ZNF624: variants seen among roughly 807,000 people sequenced by gnomAD.
ZNF624 encodes zinc finger protein 624.
In ZNF624, 43 loss-of-function variants were observed where a neutral mutation model predicts 74.7. The ratio of observed to expected loss-of-function variants is 0.58; its 90% CI spans 0.45 to 0.74. The LOEUF (loss-of-function observed/expected upper bound fraction) is 0.74, where lower values mean the gene tolerates loss of function less well. Ranked by LOEUF, ZNF624 falls within the 30% of genes least tolerant of loss-of-function variation. The probability of loss-of-function intolerance (pLI) is 0.00; values close to 1 mark genes in which losing one functional copy is unlikely to be tolerated. For synonymous variants in ZNF624, 331 were observed against 341.3 expected, an observed-to-expected ratio of 0.97 and a Z score of 0.33; for missense variants, 820 against 1,030.0, an observed-to-expected ratio of 0.80 and a Z score of 2.79.
Position 16,645,846 on chromosome 17 carries a change from G to A in ZNF624, c.153+1483C>T, listed in dbSNP as rs1358438359. Among the ~76,000 whole-genome samples, 3 of 150,386 alleles carry A rather than the reference G, an allele frequency of 2.0e-5. No individual in the cohort carries two copies. In the East Asian group the frequency reaches 5.9e-4, roughly 29 times the overall value. On this transcript the variant is annotated intron_variant, in intron 3 of 5. Coordinates refer to ENST00000311331, the MANE Select transcript of ZNF624 (RefSeq NM_020787.4). ...AGGTCCCTGTAATCCCGGCTACTCG[G>A]GAGGCTGAGGCAGGAGAATCGCTTG... is the stretch of plus-strand genomic sequence containing the variant.
chr17:16,617,658 C>A (rs530394035), downstream of ZNF624: 2 of 1,605,522 alleles, frequency 1.2e-6, no homozygotes, highest in South Asian at 2.2e-5. Context: ...GTCGCGATTG[C>A]GACGCGGGCC....
chr17:16,645,450 T>C (rs1909565398), intron 3 of ZNF624, among the ~76,000 whole-genome samples: 1 of 152,158 alleles, frequency 6.6e-6, no homozygotes, highest in South Asian at 2.1e-4. Flanking sequence ...ACTATGATAC[T>C]CAGAAAATAT....
At chr17:16,640,899 A>G (rs1909451336) in intron 3 of ZNF624, among the ~76,000 whole-genome samples, 2 of 152,356 alleles carry the variant, frequency 1.3e-5, no homozygotes, top group South Asian at 4.1e-4. Flanking sequence ...AGACCTCAGA[A>G]GAACACCACA....
At chr17:16,649,322 T>C (rs952558102) in intron 2 of ZNF624, among the ~76,000 whole-genome samples, 1 of 152,182 alleles carries the variant, frequency 6.6e-6, no homozygotes, top group African/African-American at 2.4e-5. Context: ...CTATATAAAA[T>C]TTTCCAATTG....
chr17:16,640,429 T>C (rs192417838), intron 3 of ZNF624, among the ~76,000 whole-genome samples: 2 of 150,230 alleles, frequency 1.3e-5, no homozygotes, highest in Admixed American at 6.6e-5. Flanking sequence ...GGAAATAAAA[T>C]AGAGAACAGA....
chr17:16,631,175 G>T (rs1399962069), intron 5 of ZNF624, among the ~76,000 whole-genome samples: 1 of 151,992 alleles, frequency 6.6e-6, no homozygotes, highest in Admixed American at 6.6e-5. Context: ...AAGGATAAAA[G>T]ATATCACAAT....
chr17:16,623,858 G>A lies in ZNF624; in HGVS notation c.1028C>T (p.Ala343Val). 6.2e-7 allele frequency: 1 copy of A among 1,613,692 alleles called. No individual in the cohort carries two copies. Among genetic ancestry groups the A allele is most frequent in the Non-Finnish European group, 8.5e-7 (1 of 1,179,916 alleles). The change falls in exon 6 of 6, where the codon GCT becomes GTT. Residue 343 changes from alanine to valine, a missense_variant. Physicochemically the swap from Ala to Val is moderately conservative, Grantham distance 64 (BLOSUM62 0). Coordinates refer to ENST00000311331, the MANE Select transcript of ZNF624 (RefSeq NM_020787.4). The surrounding 1 kb of genome is among the most constrained non-coding windows in gnomAD (Gnocchi z 5.3). ...CTGATGTACCATAAGTGATGAAGAA[G>A]CAATGAAGGCCTTTCCACATTCATT... ...KCNECGKAFI[A>V]SSSLMVHQRI... is the part of the protein sequence containing the mutation.
At chr17:16,638,518 A>G (rs1217415954) in intron 3 of ZNF624, among the ~76,000 whole-genome samples, 1 of 152,206 alleles carries the variant, frequency 6.6e-6, no homozygotes, top group East Asian at 1.9e-4. Flanking sequence ...TACACCATGG[A>G]ATACTATGCA....
chr17:16,642,409 C>T (rs1195215968), intron 3 of ZNF624, among the ~76,000 whole-genome samples: 6 of 152,128 alleles, frequency 3.9e-5, no homozygotes. Context: ...GGTACTAAGA[C>T]AATGAGTAGA....
the ZNF624 span, among the ~76,000 whole-genome samples, chr17:16,614,951 CA>C: frequency 7.2e-5 from 11 of 151,996 alleles, no homozygotes; most frequent in South Asian, 2.1e-4. Flanking sequence ...AGCCAGTTAC[CA>C]AAGGACAAAT....
At chr17:16,643,239 CATT>C (rs766888416) in intron 3 of ZNF624, among the ~76,000 whole-genome samples, 4 of 152,156 alleles carry the variant, frequency 2.6e-5, no homozygotes, top group Admixed American at 6.5e-5. Context: ...GTATTAGCAT[CATT>C]ATTAATTGCC....
chr17:16,651,576 A>G (rs908883736), intron 1 of ZNF624, among the ~76,000 whole-genome samples: 1 of 152,156 alleles, frequency 6.6e-6, no homozygotes, highest in African/African-American at 2.4e-5. Context: ...GTGGAGATAA[A>G]AGAGGTAAAG....
At chr17:16,632,854 T>C (rs1909238191) in intron 5 of ZNF624, among the ~76,000 whole-genome samples, 1 of 152,256 alleles carries the variant, frequency 6.6e-6, no homozygotes, top group Non-Finnish European at 1.5e-5. Flanking sequence ...GGCAGGCTGC[T>C]ACATCTCTAA....
chr17:16,629,142 G>C (rs188706577), intron 5 of ZNF624, among the ~76,000 whole-genome samples: 2 of 143,320 alleles, frequency 1.4e-5, no homozygotes, highest in African/African-American at 5.2e-5. Flanking sequence ...AGGTTGCAGT[G>C]AGCCGAGATC....
intron 3 of ZNF624, among the ~76,000 whole-genome samples, chr17:16,642,747 A>G (rs1776209487): frequency 6.6e-6 from 1 of 152,226 alleles, no homozygotes; most frequent in Non-Finnish European, 1.5e-5. Flanking sequence ...AGAATGTAAG[A>G]AAATATTTAC....
chr17:16,619,350 GTTA>G (rs746608104), downstream of ZNF624, among the ~76,000 whole-genome samples: 27 of 152,126 alleles, frequency 1.8e-4, no homozygotes, highest in East Asian at 5.8e-4. Flanking sequence ...ATAAAGAAAA[GTTA>G]TTATCAAAAT....
Position 16,649,546 on chromosome 17 carries a change from T to C in ZNF624, c.87+112A>G, listed in dbSNP as rs1354971286. The stretch of plus-strand genomic sequence containing the variant: ...ACCCAATTTTCATGGGTCTATTTAG[T>C]TGAGTTCCCAGAAGGGGTGTCGGGG... On this transcript the variant is annotated intron_variant, in intron 2 of 5. Coordinates refer to ENST00000311331, the MANE Select transcript of ZNF624 (RefSeq NM_020787.4). 15 of 911,754 alleles carry C rather than the reference T, an allele frequency of 1.6e-5. No individual in the cohort carries two copies. In the Admixed American group the frequency reaches 2.4e-4, roughly 14 times the overall value. 56.5% of individuals were successfully genotyped at this position (911,754 alleles called of 1,614,324 possible). A position where few individuals can be genotyped will look rare whatever the true frequency, so the allele number is the denominator to read the frequency against.
At chr17:16,630,026 G>A (rs1224720857) in intron 5 of ZNF624, among the ~76,000 whole-genome samples, 13 of 152,202 alleles carry the variant, frequency 8.5e-5, no homozygotes, top group Non-Finnish European at 4.4e-5. Context: ...CAATGGCAGA[G>A]TGGAGTAGTC....
downstream of ZNF624, among the ~76,000 whole-genome samples, chr17:16,616,566 C>T (rs1387489902): frequency 6.6e-6 from 1 of 152,140 alleles, no homozygotes; most frequent in Non-Finnish European, 1.5e-5. Flanking sequence ...AACAAACAAA[C>T]AAACAAAAAC....
Sources: gnomAD v4.1 joint callset for allele counts (sites outside exome capture counted in the v4.1 genomes callset) on GRCh38, gnomAD v4.1.1 for gene constraint, Gnocchi (gnomAD v3.1) non-coding constraint, MANE v1.5 for transcripts, NCBI Gene and HGNC (gene_info 2026-07-23, HGNC 2026-07-21) for gene names.